Variants in SVIL observed in about 807,000 individuals in gnomAD.
The protein encoded by SVIL is archvillin.
A neutral mutation model predicts 240.4 loss-of-function variants in SVIL; 101 were observed. That is an observed-to-expected ratio of 0.42 (90% confidence interval 0.36 to 0.50). SVIL has a LOEUF of 0.50. Among genes scored for constraint, SVIL ranks in the 20% least tolerant of loss-of-function variants. SVIL has a pLI of 0.01. For missense variants in SVIL, 2,512 were observed against 2,818.7 expected (o/e 0.89, Z 2.46); for synonymous variants, 999 against 1,100.0 (o/e 0.91, Z 1.82).
intron 1 of SVIL, among the ~76,000 whole-genome samples, chr10:29,719,634 A>T (rs1963853429): frequency 6.6e-6 from 1 of 152,256 alleles, no homozygotes; most frequent in South Asian, 2.1e-4. Context: ...AATATATAAA[A>T]ACACAAATCA....
intron 1 of SVIL, among the ~76,000 whole-genome samples, chr10:29,692,201 G>A (rs1456842973): frequency 6.6e-6 from 1 of 152,132 alleles, no homozygotes; most frequent in African/African-American, 2.4e-5. Context: ...GTAGAGGTTC[G>A]TCAACATGAA....
intron 3 of SVIL, among the ~76,000 whole-genome samples, chr10:29,558,053 C>T (rs992716561): frequency 1.3e-5 from 2 of 152,202 alleles, no homozygotes; most frequent in African/African-American, 4.8e-5. Context: ...AGGGACTGCC[C>T]TAAATTGAGA....
At chr10:29,627,294 T>G (rs1957912454) in intron 1 of SVIL, among the ~76,000 whole-genome samples, 1 of 152,124 alleles carries the variant, frequency 6.6e-6, no homozygotes, top group Non-Finnish European at 1.5e-5. Flanking sequence ...TCTGAAACCT[T>G]TGGATTACAG....
At position 29,643,429 on chromosome 10, in the gene SVIL, T is replaced by C. The variant is rs1042591182; in HGVS notation, c.-201+14540A>G. 9.9e-5 allele frequency among the ~76,000 whole-genome samples: 15 copies of C among 152,276 alleles called. No homozygotes were observed. In the South Asian group the frequency reaches 2.9e-3, roughly 29 times the overall value. ...GAACCAGACTTGGAATCATTTCCTT[T>C]TCCCAAAAAGCTTAGGATTTTGACC... On this transcript the variant is annotated intron_variant, in intron 3 of 35. Transcript: ENST00000375400.
intron 1 of SVIL, among the ~76,000 whole-genome samples, chr10:29,688,202 G>A (rs1374224136): frequency 1.3e-5 from 2 of 152,186 alleles, no homozygotes; most frequent in African/African-American, 4.8e-5. Context: ...TAATAATGTA[G>A]CATTAGCTAA....
At chr10:29,487,579 G>A in intron 23 of SVIL, 2 of 332,550 alleles carry the variant, frequency 6.0e-6, no homozygotes, top group Non-Finnish European at 1.1e-5. Context: ...CCCTTCCAGG[G>A]AGATGAGCAC....
At chr10:29,465,562 C>T (rs375330240) in intron 34 of SVIL, 33 bp downstream of exon 34, 2 of 1,560,940 alleles carry the variant, frequency 1.3e-6, no homozygotes, top group African/African-American at 2.8e-5. Context: ...GTGCCTTCTA[C>T]TGCTCAGCAT....
In SVIL at chr10:29,523,927, G is replaced by T; in HGVS notation, c.2687C>A (p.Thr896Lys). 1.2e-6 allele frequency: 2 copies of T among 1,614,168 alleles called. No individual in the cohort carries two copies. The highest frequency in any genetic ancestry group is 1.7e-6 in the Non-Finnish European group (2 of 1,180,038). The change falls in exon 15 of 38, where the codon ACA (threonine) becomes AAA (lysine). Residue 896 changes from threonine to lysine, a missense_variant. By Grantham distance (78) the Thr-to-Lys change is moderately conservative. This residue lies in a region of SVIL where 1,443 missense variants were observed against 1,486.6 expected (regional missense o/e 0.97). Transcript: ENST00000355867. ...TGCATTGTGGTCAAGAGGTGGCTTT[G>T]TGCGAAGATCTCCGGCATACATTGG... ...VAPMYAGDLR[T>K]KPPLDHNASA...
chr10:29,561,057 G>A (rs575042021), intron 3 of SVIL, among the ~76,000 whole-genome samples: 17 of 150,868 alleles, frequency 1.1e-4, no homozygotes, highest in African/African-American at 3.9e-4. Flanking sequence ...TCCTGACCTC[G>A]TAATCCACCT....
chr10:29,487,181 G>A lies in SVIL; in HGVS notation c.4467C>T (p.Asn1489=), dbSNP rs780225927. ...TACCAACCTTCGCCTTTTCTATGAC[G>A]TTTGCAAACTCTCCTACCCACAGGA... ...CCFLWVGEFA[N]VIEKAKASEL... is the part of the protein sequence containing the mutation. The change falls in exon 24 of 38, where the codon AAC becomes AAT. Residue 1489 remains asparagine, a synonymous_variant. Transcript: ENST00000355867. The A allele has an allele frequency of 1.5e-5, 24 of 1,613,746 alleles. No individual in the cohort carries two copies. Among genetic ancestry groups the A allele is most frequent in the South Asian group, 7.7e-5 (7 of 91,058 alleles).
chr10:29,488,137 G>A (rs994579479), intron 23 of SVIL, among the ~76,000 whole-genome samples: 2 of 152,078 alleles, frequency 1.3e-5, no homozygotes, highest in South Asian at 2.1e-4. Context: ...CATCTGCGTC[G>A]AACTTCCCTT....
At chr10:29,529,525 T>C (rs1423007645) in intron 12 of SVIL, among the ~76,000 whole-genome samples, 180 bp downstream of exon 12, 2 of 152,230 alleles carry the variant, frequency 1.3e-5, no homozygotes, top group Non-Finnish European at 2.9e-5. Flanking sequence ...TTCTAGAAGA[T>C]ACACATCCCA....
At chr10:29,509,092 A>C (rs1216378307) in intron 17 of SVIL, among the ~76,000 whole-genome samples, 3 of 152,186 alleles carry the variant, frequency 2.0e-5, no homozygotes. Context: ...CTCTGGAGGA[A>C]AGTGTACACA....
chr10:29,718,935 C>A (rs1226306177), intron 1 of SVIL, among the ~76,000 whole-genome samples: 1 of 152,210 alleles, frequency 6.6e-6, no homozygotes, highest in East Asian at 1.9e-4. Flanking sequence ...CATGGTGAAA[C>A]CCTGTCTCTA....
At chr10:29,465,355 G>A (rs1944784275) in intron 34 of SVIL, among the ~76,000 whole-genome samples, 1 of 152,142 alleles carries the variant, frequency 6.6e-6, no homozygotes, top group Non-Finnish European at 1.5e-5. Context: ...CTTAGCTGAC[G>A]TCTTTGGGTG....
intron 3 of SVIL, among the ~76,000 whole-genome samples, chr10:29,559,672 C>A (rs1365415877): frequency 6.6e-6 from 1 of 152,170 alleles, no homozygotes; most frequent in Non-Finnish European, 1.5e-5. Context: ...ATCCACCTGT[C>A]CCTTATTTTA....
intron 1 of SVIL, among the ~76,000 whole-genome samples, chr10:29,696,640 C>G (rs1198497613): frequency 6.6e-6 from 1 of 151,228 alleles, no homozygotes; most frequent in African/African-American, 2.4e-5. Flanking sequence ...TCGGCCCGGC[C>G]GCGACCCCGT....
At position 29,465,589 on chromosome 10, in the gene SVIL, C is replaced by G. The variant is rs765018549; in HGVS notation, c.6133+6G>C. 4 of 1,602,520 alleles carry G rather than the reference C, an allele frequency of 2.5e-6. No individual in the cohort carries two copies. In the Admixed American group the frequency reaches 5.2e-5, roughly 21 times the overall value. ...GCTCAGCATAGCTGCCCCCTGCAGG[C>G]CTTACCTGGCTGGGGCGCGCTGTAC... On this transcript the variant is annotated splice_donor_region_variant and intron_variant, in intron 34 of 37. Transcript: ENST00000355867.
At chr10:29,521,369 G>T (rs1950553641) in intron 16 of SVIL, among the ~76,000 whole-genome samples, 1 of 152,154 alleles carries the variant, frequency 6.6e-6, no homozygotes, top group African/African-American at 2.4e-5. Context: ...GTGGTGGGAG[G>T]TGCTGAGGAA....
Sources: allele counts gnomAD v4.1 joint callset (sites outside exome capture counted in the v4.1 genomes callset), GRCh38; gene constraint gnomAD v4.1.1; regional missense constraint gnomAD v4.1.1; transcripts MANE v1.5; gene names NCBI Gene and HGNC (gene_info 2026-07-23, HGNC 2026-07-21).